PHF12: variants seen among roughly 807,000 people sequenced by gnomAD.
PHF12 encodes the protein PHD finger protein 12.
A neutral mutation model predicts 99.8 loss-of-function variants in PHF12; 6 were observed. That is an observed-to-expected ratio of 0.06 (90% CI 0.03 to 0.12). PHF12 has a LOEUF of 0.12. PHF12 is among the 10% of genes least tolerant of loss of function. PHF12 has a pLI of 1.00. For synonymous variants in PHF12, 480 were observed against 514.9 expected (o/e 0.93, Z 0.92); for missense variants, 954 against 1,300.1 (o/e 0.73, Z 4.09).
At chr17:28,923,871 C>A (rs1267773043) in intron 4 of PHF12, 38 bp downstream of exon 4, 3 of 1,565,860 alleles carry the variant, frequency 1.9e-6, no homozygotes, top group Non-Finnish European at 8.6e-7. Context: ...TTTGGGGAAA[C>A]TGGGGTTGGG....
At chr17:28,927,599 C>CAT (rs1487582750) in intron 2 of PHF12, among the ~76,000 whole-genome samples, 3 of 152,232 alleles carry the variant, frequency 2.0e-5, no homozygotes, top group Non-Finnish European at 4.4e-5. Flanking sequence ...CTCTGCCTCC[C>CAT]ATCCACAGGT....
chr17:28,940,170 T>C (rs971091000), intron 2 of PHF12, among the ~76,000 whole-genome samples: 2 of 152,378 alleles, frequency 1.3e-5, no homozygotes, highest in Non-Finnish European at 1.5e-5. Flanking sequence ...AATTTTCACC[T>C]TGTGTCTGTG....
At chr17:28,922,257 TTTTTTA>T (rs1016299313) in intron 4 of PHF12, among the ~76,000 whole-genome samples, 2 of 152,172 alleles carry the variant, frequency 1.3e-5, no homozygotes, top group African/African-American at 2.4e-5. Flanking sequence ...CTCAGCTAAC[TTTTTTA>T]TTTTTATTTT....
chr17:28,948,599 A>G (rs915233841), intron 2 of PHF12, among the ~76,000 whole-genome samples: 2 of 152,230 alleles, frequency 1.3e-5, no homozygotes, highest in African/African-American at 4.8e-5. Flanking sequence ...ATAACTTCTG[A>G]CCATAAACTT....
Position 28,951,100 on chromosome 17 carries a change from C to G in PHF12, c.-140G>C. Reference sequence around the variant, plus strand: ...GGTCCCGACTTCCTCGCCCTGGCTCCCCCCCACCCCCCGGCCCCCAGTCCC... The same window carrying G: ...GGTCCCGACTTCCTCGCCCTGGCTCGCCCCCACCCCCCGGCCCCCAGTCCC... On this transcript the variant is annotated 5_prime_UTR_variant, in exon 1 of 15. Transcript: ENST00000332830. The G allele has an allele frequency of 6.9e-7, 1 of 1,459,580 alleles. No individual in the cohort carries two copies. The highest frequency in any genetic ancestry group is 9.0e-7 in the Non-Finnish European group (1 of 1,106,312). 90.4% of individuals were successfully genotyped at this position (1,459,580 alleles called of 1,614,324 possible).
chr17:28,950,309 C>G lies in PHF12; in HGVS notation c.67-63G>C. 1 of 1,520,022 alleles carries G rather than the reference C, an allele frequency of 6.6e-7. No homozygotes were observed. The highest frequency in any genetic ancestry group is 8.8e-7 in the Non-Finnish European group (1 of 1,131,458). The allele number at this position is 1,520,022 out of a possible 1,614,324, so 94.2% of individuals were successfully genotyped here. A position where few individuals can be genotyped will look rare whatever the true frequency, so the allele number is the denominator to read the frequency against. On this transcript the variant is annotated intron_variant, in intron 1 of 14. Transcript: ENST00000332830. This position sits in a 1 kb window ranked among gnomAD's most constrained non-coding sequence, Gnocchi z 5.7. ...AGCTCCCGGGCGGTCCGTCGCCCCCCCGGCGCGGTTTCTCCGTCACCCACC... is the reference window on the plus strand; with the variant it reads ...AGCTCCCGGGCGGTCCGTCGCCCCCGCGGCGCGGTTTCTCCGTCACCCACC...
rs200761045 is a variant in PHF12, at chr17:28,950,857, C to G, written c.66+38G>C. The G allele has an allele frequency of 2.5e-6, 4 of 1,608,992 alleles. No individual in the cohort carries two copies. Among genetic ancestry groups the G allele is most frequent in the Non-Finnish European group, 3.4e-6 (4 of 1,176,896 alleles). ...GGGGCGGAGGGCGGAGGTTCCCTCC[C>G]GGCGCTGGAGGAAGGAGATGAGGAG... is the stretch of plus-strand genomic sequence containing the variant. On this transcript the variant is annotated intron_variant, in intron 1 of 14. Transcript: ENST00000332830. The surrounding 1 kb of genome is among the most constrained non-coding windows in gnomAD (Gnocchi z 5.7).
chr17:28,932,527 C>T (rs538075516), intron 2 of PHF12, among the ~76,000 whole-genome samples: 55 of 152,294 alleles, frequency 3.6e-4, no homozygotes, highest in Admixed American at 6.5e-4. Flanking sequence ...CTGAAAGAGG[C>T]TGTTTTGCTC....
intron 2 of PHF12, chr17:28,927,876 C>G (rs564377357): frequency 6.6e-6 from 1 of 152,216 alleles, no homozygotes; most frequent in Non-Finnish European, 1.5e-5. Flanking sequence ...TTTGGGAGGC[C>G]GAGGCTGGTG....
intron 8 of PHF12, among the ~76,000 whole-genome samples, chr17:28,913,665 C>T (rs192024493): frequency 4.6e-5 from 7 of 152,232 alleles, no homozygotes; most frequent in Admixed American, 3.3e-4. Context: ...ACTGGGGTAA[C>T]GATGGAGAGA....
At chr17:28,935,663 C>T (rs572103074) in intron 2 of PHF12, among the ~76,000 whole-genome samples, 37 of 152,336 alleles carry the variant, frequency 2.4e-4, no homozygotes, top group Admixed American at 2.4e-3. Flanking sequence ...TCTTCAGAGA[C>T]TGTACATTCA....
At chr17:28,926,963 GAC>G (rs1208005772) in intron 3 of PHF12, 26 bp downstream of exon 3, 2 of 1,611,652 alleles carry the variant, frequency 1.2e-6, no homozygotes, top group Non-Finnish European at 1.7e-6. Flanking sequence ...AGGCTTTCTG[GAC>G]AGTCTTCAGA....
intron 7 of PHF12, among the ~76,000 whole-genome samples, chr17:28,916,364 T>A (rs1043733595): frequency 6.6e-6 from 1 of 152,278 alleles, no homozygotes; most frequent in East Asian, 1.9e-4. Flanking sequence ...CAGGCTAATG[T>A]TTTATATTTT....
intron 7 of PHF12, among the ~76,000 whole-genome samples, chr17:28,914,690 A>C (rs2040031306): frequency 6.6e-6 from 1 of 150,498 alleles, no homozygotes; most frequent in African/African-American, 2.4e-5. Flanking sequence ...AAAAAAAAAA[A>C]AAAAAAAAAA....
chr17:28,910,623 C>A, intron 10 of PHF12: 2 of 541,656 alleles, frequency 3.7e-6, no homozygotes, highest in Non-Finnish European at 6.5e-6. Context: ...ATTAAAGTGC[C>A]CCTAGAAAGG....
chr17:28,911,358 A>C, intron 9 of PHF12, 121 bp from the exon 10 acceptor site: 36 of 1,373,044 alleles, frequency 2.6e-5, no homozygotes, highest in Non-Finnish European at 3.5e-5. Context: ...CTTGATTCTC[A>C]ACCCATAGGC....
intron 12 of PHF12, chr17:28,907,911 AC>A (rs1307223711): frequency 7.5e-6 from 3 of 400,430 alleles, no homozygotes; most frequent in Non-Finnish European, 1.4e-5. Flanking sequence ...TGTGGCTGCT[AC>A]CCAGAAGGGA....
Position 28,906,423 on chromosome 17 carries a change from A to T in PHF12, c.2775T>A (p.Asn925Lys), listed in dbSNP as rs775719729. 1 of 1,614,188 alleles carries T rather than the reference A, an allele frequency of 6.2e-7. No individual in the cohort carries two copies. Residue 925 changes from asparagine (N) to lysine (K), a missense_variant, in exon 15 of 15, where the codon AAT becomes AAA. Asn to Lys is a moderately conservative substitution (Grantham distance 94). Coordinates refer to ENST00000332830, the MANE Select transcript of PHF12 (RefSeq NM_001033561.2). The surrounding 1 kb of genome is among the most constrained non-coding windows in gnomAD (Gnocchi z 4.2). ...QAQGPQRRPC[N>K]CKASSSSLIG... ...TCAAGCTCGAGCTGCTGGCTTTGCA[A>T]TTGCAGGGTCTCCGCTGCGGCCCCT...
At chr17:28,927,541 C>T (rs1209246958) in intron 2 of PHF12, among the ~76,000 whole-genome samples, 1 of 152,216 alleles carries the variant, frequency 6.6e-6, no homozygotes, top group Non-Finnish European at 1.5e-5. Flanking sequence ...TCCTTTCATA[C>T]CTGCCTCAAT....
Sources: allele counts gnomAD v4.1 joint callset (sites outside exome capture counted in the v4.1 genomes callset), GRCh38; gene constraint gnomAD v4.1.1; non-coding constraint Gnocchi (gnomAD v3.1); transcripts MANE v1.5; gene names NCBI Gene and HGNC (gene_info 2026-07-23, HGNC 2026-07-21).